Variants in EFCAB6 observed in about 807,000 individuals in gnomAD.
EFCAB6 encodes EF-hand calcium binding domain 6, also known as EF-hand calcium-binding domain-containing protein 6.
In EFCAB6, 156 loss-of-function variants were observed where a neutral mutation model predicts 169.8. The ratio of observed to expected loss-of-function variants is 0.92; its 90% CI spans 0.81 to 1.05. EFCAB6 has a LOEUF of 1.05. Among genes scored for constraint, EFCAB6 ranks in the 50% least tolerant of loss-of-function variants. EFCAB6 has a pLI of 0.00. For missense variants in EFCAB6, 1,800 were observed against 1,829.1 expected (o/e 0.98, Z 0.29); for synonymous variants, 698 against 676.4 (o/e 1.03, Z -0.50).
At chr22:43,726,412 C>G (rs533186087) in intron 8 of EFCAB6, among the ~76,000 whole-genome samples, 9 of 152,034 alleles carry the variant, frequency 5.9e-5, no homozygotes, top group African/African-American at 2.2e-4. Context: ...ATTTAAAACT[C>G]TGGGCAAAAT....
chr22:43,534,997 G>C, intron 29 of EFCAB6, 125 bp from the exon 30 acceptor site: 1 of 984,954 alleles, frequency 1.0e-6, no homozygotes, highest in South Asian at 1.6e-5. Flanking sequence ...TCACATCAAA[G>C]AACTCACGGT....
intron 26 of EFCAB6, among the ~76,000 whole-genome samples, chr22:43,569,173 G>A (rs929324411): frequency 7.9e-5 from 12 of 152,234 alleles, no homozygotes; most frequent in Non-Finnish European, 2.9e-5. Context: ...GAGCCAGGCC[G>A]GACCCAGGAC....
chr22:43,665,462 G>C (rs2057204364), intron 17 of EFCAB6, among the ~76,000 whole-genome samples: 1 of 152,210 alleles, frequency 6.6e-6, no homozygotes, highest in Non-Finnish European at 1.5e-5. Flanking sequence ...GGGATTATTA[G>C]TTTCCCGTGA....
At chr22:43,639,639 A>AC (rs1389588374) in intron 17 of EFCAB6, among the ~76,000 whole-genome samples, 1 of 152,082 alleles carries the variant, frequency 6.6e-6, no homozygotes, top group Non-Finnish European at 1.5e-5. Context: ...GTAATATCCT[A>AC]CTTGGGGTTT....
chr22:43,785,813 T>C (rs2062055883), intron 2 of EFCAB6, among the ~76,000 whole-genome samples: 1 of 152,002 alleles, frequency 6.6e-6, no homozygotes, highest in Non-Finnish European at 1.5e-5. Context: ...AAAGGAGACA[T>C]TACCACTAAC....
Position 43,528,835 on chromosome 22 carries a change from G to C in EFCAB6, c.*18C>G. ...AGGCCCTGTGGCTGTCGTCCCGCTG[G>C]GCACACAGCAGGGGTGTCTACTGGA... On this transcript the variant is annotated 3_prime_UTR_variant, in exon 32 of 32. Transcript: ENST00000262726. 1 of 1,581,904 alleles carries C rather than the reference G, an allele frequency of 6.3e-7. No homozygotes were observed. Among genetic ancestry groups the C allele is most frequent in the Non-Finnish European group, 8.7e-7 (1 of 1,154,476 alleles).
At chr22:43,638,417 G>A (rs528112408) in intron 17 of EFCAB6, among the ~76,000 whole-genome samples, 31 of 152,246 alleles carry the variant, frequency 2.0e-4, no homozygotes, top group Middle Eastern at 3.4e-3. Context: ...CCAGATAGTC[G>A]TCACTCCGGC....
chr22:43,548,539 C>CAAAAAAAAAAAAAAAAAAAAAA (rs397868076), intron 27 of EFCAB6, among the ~76,000 whole-genome samples: 5 of 36,750 alleles, frequency 1.4e-4, no homozygotes, highest in Admixed American at 5.0e-4. Context: ...GAATCCATCT[C>CAAAAAAAAAAAAAAAAAAAAAA]AAAAAAAAAA....
chr22:43,784,038 C>T (rs995526710), intron 2 of EFCAB6, among the ~76,000 whole-genome samples: 1 of 152,146 alleles, frequency 6.6e-6, no homozygotes, highest in South Asian at 2.1e-4. Context: ...CACTGCACTC[C>T]AGCCTGGGCA....
intron 13 of EFCAB6, among the ~76,000 whole-genome samples, chr22:43,676,651 T>A (rs939022252): frequency 1.1e-4 from 17 of 152,324 alleles, no homozygotes; most frequent in African/African-American, 4.1e-4. Context: ...AGTTATGTAC[T>A]ATGGCCTATT....
intron 8 of EFCAB6, among the ~76,000 whole-genome samples, chr22:43,718,055 TCCATCCAC>T (rs59036196): frequency 0.34 from 35,287 of 103,514 alleles, 5,255 homozygotes; most frequent in East Asian, 0.65. Flanking sequence ...CATCCATCCA[TCCATCCAC>T]CCATCCATCC....
chr22:43,777,766 AG>A (rs1261654642), intron 3 of EFCAB6, among the ~76,000 whole-genome samples: 1 of 152,238 alleles, frequency 6.6e-6, no homozygotes, highest in African/African-American at 2.4e-5. Flanking sequence ...GTAATTTAAA[AG>A]AATCAGAAAA....
intron 17 of EFCAB6, among the ~76,000 whole-genome samples, chr22:43,658,719 T>C (rs1221638505): frequency 6.6e-6 from 1 of 152,064 alleles, no homozygotes; most frequent in East Asian, 1.9e-4. Context: ...TGGAAGGACA[T>C]TGCTGGAGGA....
intron 26 of EFCAB6, among the ~76,000 whole-genome samples, chr22:43,573,712 C>A (rs190634239): frequency 5.8e-5 from 6 of 102,994 alleles, no homozygotes; most frequent in Admixed American, 2.9e-4. Flanking sequence ...GCCTGGGCAA[C>A]AAGAGTGAGT....
At chr22:43,745,101 C>G (rs1238140217) in intron 6 of EFCAB6, among the ~76,000 whole-genome samples, 1 of 152,180 alleles carries the variant, frequency 6.6e-6, no homozygotes, top group Non-Finnish European at 1.5e-5. Flanking sequence ...TATTTGTACC[C>G]CACTGAGTTC....
chr22:43,675,410 AT>A (rs1475461696), intron 13 of EFCAB6, among the ~76,000 whole-genome samples: 1 of 105,480 alleles, frequency 9.5e-6, no homozygotes, highest in Non-Finnish European at 2.0e-5. Flanking sequence ...ATAATATAGG[AT>A]TTATAATATA....
intron 9 of EFCAB6, among the ~76,000 whole-genome samples, chr22:43,713,625 T>C (rs911092441): frequency 1.3e-5 from 2 of 152,188 alleles, no homozygotes; most frequent in African/African-American, 4.8e-5. Flanking sequence ...ACTCCACTCC[T>C]AGGTGTAATT....
chr22:43,576,266 A>C, intron 26 of EFCAB6, 31 bp downstream of exon 26: 2 of 1,539,658 alleles, frequency 1.3e-6, no homozygotes, highest in Non-Finnish European at 1.7e-6. Context: ...TCATTTTCAA[A>C]GAGATGCTTA....
intron 17 of EFCAB6, 105 bp from the exon 18 acceptor site, chr22:43,635,321 T>G: frequency 1.2e-6 from 1 of 844,070 alleles, no homozygotes; most frequent in Non-Finnish European, 2.0e-6. Flanking sequence ...GGGCTCATGA[T>G]TGTTATTTGT....
Sources: gnomAD v4.1 joint callset for allele counts (sites outside exome capture counted in the v4.1 genomes callset) on GRCh38, gnomAD v4.1.1 for gene constraint, MANE v1.5 for transcripts, NCBI Gene and HGNC (gene_info 2026-07-23, HGNC 2026-07-21) for gene names.